The following RNGTT variants were observed in gnomAD, a reference collection of about 807,000 sequenced individuals.
RNGTT encodes the protein RNA guanylyltransferase and 5'-phosphatase, also known as mRNA-capping enzyme.
RNGTT carries 33 observed loss-of-function variants against 79.3 expected under a neutral mutation model. The ratio of observed to expected loss-of-function variants is 0.42; its 90% confidence interval spans 0.32 to 0.56. The LOEUF (loss-of-function observed/expected upper bound fraction) is 0.56, where lower values mean the gene tolerates loss of function less well. Ranked by LOEUF, RNGTT falls within the 20% of genes least tolerant of loss-of-function variation. The pLI, the probability that RNGTT is intolerant of heterozygous loss-of-function variation, is 0.17. For synonymous variants in RNGTT, 222 were observed against 235.9 expected (o/e 0.94, Z 0.54); for missense variants, 497 against 739.1 (o/e 0.67, Z 3.80).
At chr6:88,945,129 T>C (rs1784964252) in intron 1 of RNGTT, among the ~76,000 whole-genome samples, 1 of 152,202 alleles carries the variant, frequency 6.6e-6, no homozygotes, top group African/African-American at 2.4e-5. Flanking sequence ...TCAAGTCACT[T>C]CTGATCATTC....
Position 88,799,990 on chromosome 6 carries a change from C to T in RNGTT, c.1338+1574G>A, listed in dbSNP as rs572938532. Among the ~76,000 whole-genome samples, 6 of 152,274 alleles carry T rather than the reference C, an allele frequency of 3.9e-5. No individual in the cohort carries two copies. The East Asian group carries it at 1.2e-3, about 29-fold the overall frequency. On this transcript the variant is annotated intron_variant, in intron 12 of 15. Coordinates refer to ENST00000369485, the MANE Select transcript of RNGTT (RefSeq NM_003800.5). ...ATAGTATTTTCTTCCATTTCCGTCC[C>T]TAACCTCTAGTGCTCCTCCATGTCC...
intron 13 of RNGTT, among the ~76,000 whole-genome samples, chr6:88,698,293 T>TGATATATATATGAAATATATATATGAA: frequency 8.0e-6 from 1 of 124,800 alleles, no homozygotes; most frequent in South Asian, 2.3e-4. Context: ...ATATATATCA[T>TGATATATATATGAAATATATATATGAA]ATATATATGA....
rs962053065 is a variant in RNGTT at position 88,895,352 on chromosome 6, G to A, written c.685-3437C>T. 4.6e-5 allele frequency among the ~76,000 whole-genome samples: 7 copies of A among 151,852 alleles called. No homozygotes were observed. The South Asian group carries it at 8.3e-4, about 18-fold the overall frequency. On this transcript the variant is annotated intron_variant, in intron 6 of 15. Transcript: ENST00000369485. ...AAATACATTCATCGTTGTATTCAAAGAAATGATCTCAGACATCAGTTCAAG... is the reference window on the plus strand; with the variant it reads ...AAATACATTCATCGTTGTATTCAAAAAAATGATCTCAGACATCAGTTCAAG...
At chr6:88,889,522 T>G (rs1782975215) in intron 8 of RNGTT, among the ~76,000 whole-genome samples, 1 of 152,098 alleles carries the variant, frequency 6.6e-6, no homozygotes, top group Non-Finnish European at 1.5e-5. Flanking sequence ...TTAAATAGAA[T>G]CTGTCATCTT....
intron 4 of RNGTT, among the ~76,000 whole-genome samples, chr6:88,908,380 C>A (rs1783724496): frequency 6.6e-6 from 1 of 152,154 alleles, no homozygotes; most frequent in Non-Finnish European, 1.5e-5. Flanking sequence ...ACCAAAATAT[C>A]AAGTAAGCCA....
At chr6:88,701,088 A>G (rs994338755) in intron 13 of RNGTT, among the ~76,000 whole-genome samples, 1 of 152,074 alleles carries the variant, frequency 6.6e-6, no homozygotes. Context: ...GTATGGAAGA[A>G]GAGGAAGAAG....
intron 8 of RNGTT, among the ~76,000 whole-genome samples, chr6:88,877,884 A>C (rs1293597749): frequency 6.6e-6 from 1 of 152,084 alleles, no homozygotes; most frequent in Non-Finnish European, 1.5e-5. Flanking sequence ...ATCCCTAACT[A>C]TAGTTCTGAT....
chr6:88,800,678 A>C (rs913351753), intron 12 of RNGTT, among the ~76,000 whole-genome samples: 1 of 152,180 alleles, frequency 6.6e-6, no homozygotes, highest in Non-Finnish European at 1.5e-5. Flanking sequence ...CAGAGTTTCT[A>C]CTCAATAGGT....
At chr6:88,662,068 T>C (rs895397908) in intron 14 of RNGTT, among the ~76,000 whole-genome samples, 4 of 152,284 alleles carry the variant, frequency 2.6e-5, no homozygotes, top group Non-Finnish European at 2.9e-5. Context: ...ACAAAAACCA[T>C]ATCAATGGAT....
intron 13 of RNGTT, among the ~76,000 whole-genome samples, chr6:88,698,986 G>C (rs1775853556): frequency 6.6e-6 from 1 of 152,140 alleles, no homozygotes; most frequent in South Asian, 2.1e-4. Context: ...TTAAAATGAT[G>C]AGTATAAACA....
chr6:88,651,617 G>A (rs2127777999), intron 14 of RNGTT, among the ~76,000 whole-genome samples: 1 of 151,796 alleles, frequency 6.6e-6, no homozygotes, highest in Admixed American at 6.6e-5. Context: ...AGAAAAAAAG[G>A]ATCAGATTTC....
intron 8 of RNGTT, among the ~76,000 whole-genome samples, chr6:88,876,438 G>A (rs1408934901): frequency 6.6e-6 from 1 of 152,192 alleles, no homozygotes; most frequent in African/African-American, 2.4e-5. Context: ...GGAGGCTGAG[G>A]TGGGAGGTCG....
At chr6:88,925,218 C>A (rs1267556301) in intron 4 of RNGTT, among the ~76,000 whole-genome samples, 3 of 152,016 alleles carry the variant, frequency 2.0e-5, no homozygotes, top group Admixed American at 6.6e-5. Context: ...TGACCATGGG[C>A]GAAGTACTTA....
At chr6:88,682,494 T>A (rs1176955737) in intron 13 of RNGTT, among the ~76,000 whole-genome samples, 1 of 152,204 alleles carries the variant, frequency 6.6e-6, no homozygotes, top group Non-Finnish European at 1.5e-5. Context: ...AAAATGCATA[T>A]CATTGATAAG....
intron 14 of RNGTT, among the ~76,000 whole-genome samples, chr6:88,616,645 G>A (rs1240081904): frequency 6.6e-6 from 1 of 152,056 alleles, no homozygotes; most frequent in Non-Finnish European, 1.5e-5. Context: ...TTTCACTAAT[G>A]ACTGAGAATC....
chr6:88,732,383 T>G (rs1326800275), intron 13 of RNGTT, among the ~76,000 whole-genome samples: 1 of 152,152 alleles, frequency 6.6e-6, no homozygotes, highest in African/African-American at 2.4e-5. Flanking sequence ...AAAACCATGT[T>G]GGCAAGGATA....
chr6:88,615,833 T>C (rs1482704129), intron 14 of RNGTT, among the ~76,000 whole-genome samples: 1 of 152,192 alleles, frequency 6.6e-6, no homozygotes, highest in Non-Finnish European at 1.5e-5. Context: ...TAACCAAATA[T>C]AAAATTAGGC....
intron 11 of RNGTT, among the ~76,000 whole-genome samples, chr6:88,809,672 CA>C (rs1279603670): frequency 6.6e-6 from 1 of 151,940 alleles, no homozygotes; most frequent in Middle Eastern, 3.2e-3. Context: ...AGAATGAAAA[CA>C]AAAACAGAGT....
chr6:88,890,675 AT>A, intron 7 of RNGTT, 79 bp from the exon 8 acceptor site: 1 of 847,174 alleles, frequency 1.2e-6, no homozygotes. Flanking sequence ...TCTCAAATGA[AT>A]CACACATTTA....
Sources: allele counts gnomAD v4.1 joint callset (sites outside exome capture counted in the v4.1 genomes callset), GRCh38; gene constraint gnomAD v4.1.1; transcripts MANE v1.5; gene names NCBI Gene and HGNC (gene_info 2026-07-23, HGNC 2026-07-21).